TENM1: variants seen among roughly 807,000 people sequenced by gnomAD.
TENM1 encodes the protein teneurin transmembrane protein 1, also known as teneurin-1.
In TENM1, 35 loss-of-function variants were observed where a neutral mutation model predicts 174.8. The observed-to-expected ratio is 0.20, with a 90% confidence interval of 0.15 to 0.27. TENM1 has a LOEUF of 0.27. Ranked by LOEUF, TENM1 falls within the 10% of genes least tolerant of loss-of-function variation. TENM1 has a pLI of 1.00. For synonymous variants in TENM1, 781 were observed against 798.7 expected, an observed-to-expected ratio of 0.98 and a Z score of 0.37; for missense variants, 1,633 against 2,130.1, an observed-to-expected ratio of 0.77 and a Z score of 4.59.
intron 22 of TENM1, among the ~76,000 whole-genome samples, chrX:124,454,604 C>A (rs1047242476): frequency 1.8e-5 from 2 of 111,272 alleles, no homozygotes; most frequent in African/African-American, 6.5e-5. Flanking sequence ...AGGGTTTCAC[C>A]ATGTTGGCCA....
intron 11 of TENM1, among the ~76,000 whole-genome samples, chrX:124,635,473 A>G (rs2050858325): frequency 8.9e-6 from 1 of 112,394 alleles, no homozygotes; most frequent in South Asian, 3.7e-4. Context: ...TCCAGGCCTA[A>G]TGCTTCACAT....
the TENM1 span, among the ~76,000 whole-genome samples, chrX:125,087,938 C>T: frequency 1.8e-5 from 2 of 110,362 alleles, no homozygotes; most frequent in African/African-American, 6.6e-5. Context: ...TGTGGAATAT[C>T]CCTTCTCATT....
chrX:124,486,894 T>G (rs2147949675), intron 21 of TENM1, among the ~76,000 whole-genome samples: 1 of 112,210 alleles, frequency 8.9e-6, no homozygotes, highest in East Asian at 2.8e-4. Flanking sequence ...CTATTTGAAC[T>G]TACCAACTCA....
intron 4 of TENM1, among the ~76,000 whole-genome samples, chrX:124,727,101 C>A (rs142906816): frequency 6.0e-4 from 67 of 112,287 alleles, no homozygotes; most frequent in Non-Finnish European, 1.2e-3. Context: ...TCATACCAAG[C>A]TGCAGCCATC....
intron 11 of TENM1, among the ~76,000 whole-genome samples, chrX:124,616,171 A>G (rs1229256548): frequency 8.9e-6 from 1 of 112,727 alleles, no homozygotes; most frequent in Non-Finnish European, 1.9e-5. Flanking sequence ...TCTAATTGAT[A>G]CCACAGCAAC....
intron 13 of TENM1, among the ~76,000 whole-genome samples, chrX:124,562,460 T>G (rs1281203244): frequency 8.9e-6 from 1 of 112,921 alleles, no homozygotes; most frequent in African/African-American, 3.2e-5. Flanking sequence ...CATGATATTA[T>G]GCTTATAACA....
chrX:124,677,643 C>A lies in TENM1; in HGVS notation c.1016-5808G>T, dbSNP rs752558030. Among the ~76,000 whole-genome samples, 70 of 111,280 alleles carry A rather than the reference C, an allele frequency of 6.3e-4. 1 individual carries two copies. The highest frequency in any genetic ancestry group is 2.1e-3 in the African/African-American group (66 of 30,777). On this transcript the variant is annotated intron_variant, in intron 5 of 31. Transcript: ENST00000422452. ...TTAATGTAGTTAAAAATTAGAACAA[C>A]CAATATACCCATCTATGGAAGAGTG...
the TENM1 span, among the ~76,000 whole-genome samples, chrX:125,108,919 C>A: frequency 9.1e-6 from 1 of 110,456 alleles, no homozygotes. Context: ...TTATTTTCAA[C>A]TCCCTTCTTA....
chrX:124,641,017 A>G (rs1429099447), intron 11 of TENM1, among the ~76,000 whole-genome samples: 1 of 109,935 alleles, frequency 9.1e-6, no homozygotes, highest in Non-Finnish European at 1.9e-5. Context: ...GAAACATTTT[A>G]TGGAATGGCT....
At chrX:125,158,186 C>G in the TENM1 span, among the ~76,000 whole-genome samples, 56 of 109,495 alleles carry the variant, frequency 5.1e-4, no homozygotes, top group East Asian at 0.012. Context: ...GGGCAGATCA[C>G]GAGGTCAAGA....
chrX:125,017,322 A>G, the TENM1 span, among the ~76,000 whole-genome samples: 1 of 112,156 alleles, frequency 8.9e-6, no homozygotes, highest in African/African-American at 3.2e-5. Flanking sequence ...CCATCTGACA[A>G]AGGGCTAATA....
chrX:124,588,341 C>T (rs1225583281), intron 11 of TENM1, among the ~76,000 whole-genome samples: 2 of 111,677 alleles, frequency 1.8e-5, no homozygotes, highest in African/African-American at 3.3e-5. Context: ...CACATATATG[C>T]CATGGAATAC....
At chrX:124,936,775 G>A (rs983900570) in intron 1 of TENM1, among the ~76,000 whole-genome samples, 1 of 111,945 alleles carries the variant, frequency 8.9e-6, no homozygotes, top group African/African-American at 3.2e-5. Flanking sequence ...GGCCGGGCAT[G>A]GTGGTTCACA....
chrX:124,389,619 C>T (rs2060261175), intron 28 of TENM1, among the ~76,000 whole-genome samples: 1 of 110,915 alleles, frequency 9.0e-6, no homozygotes, highest in Non-Finnish European at 1.9e-5. Flanking sequence ...CCCTCCCTGC[C>T]TCCCTCCCTT....
intron 3 of TENM1, among the ~76,000 whole-genome samples, chrX:124,776,955 C>T (rs2054798867): frequency 9.0e-6 from 1 of 110,575 alleles, no homozygotes; most frequent in Non-Finnish European, 1.9e-5. Flanking sequence ...GCAAGCAGAA[C>T]TTTAACACTC....
chrX:125,009,115 GA>G, the TENM1 span, among the ~76,000 whole-genome samples: 12,836 of 86,164 alleles, frequency 0.15, 911 homozygotes, highest in African/African-American at 0.21. Context: ...TTTTTTTCCG[GA>G]AAAAAAAAAA....
intron 8 of TENM1, among the ~76,000 whole-genome samples, chrX:124,650,776 A>G (rs2051285728): frequency 8.9e-6 from 1 of 111,911 alleles, no homozygotes. Flanking sequence ...CATGACTTAA[A>G]AATTTATTTT....
intron 23 of TENM1, among the ~76,000 whole-genome samples, chrX:124,452,749 A>G (rs1179066942): frequency 9.2e-6 from 1 of 108,874 alleles, no homozygotes; most frequent in African/African-American, 3.4e-5. Flanking sequence ...CATCATTCTC[A>G]GCAAACTATC....
chrX:125,051,912 A>G, the TENM1 span, among the ~76,000 whole-genome samples: 1 of 107,621 alleles, frequency 9.3e-6, no homozygotes, highest in Non-Finnish European at 1.9e-5. Context: ...CAGGCAACCT[A>G]CAGAATGGGA....
Sources: gnomAD v4.1 joint callset for allele counts (sites outside exome capture counted in the v4.1 genomes callset) on GRCh38, gnomAD v4.1.1 for gene constraint, MANE v1.5 for transcripts, NCBI Gene and HGNC (gene_info 2026-07-23, HGNC 2026-07-21) for gene names.